MCC: variants seen among roughly 807,000 people sequenced by gnomAD.
The protein encoded by MCC is MCC regulator of Wnt signaling pathway, also known as colorectal mutant cancer protein.
A neutral mutation model predicts 116.2 loss-of-function variants in MCC; 90 were observed. The ratio of observed to expected loss-of-function variants is 0.77; its 90% CI spans 0.65 to 0.92. MCC has a LOEUF of 0.92. Ranked by LOEUF, MCC falls within the 40% of genes least tolerant of loss-of-function variation. The probability of loss-of-function intolerance (pLI) is 0.00; values close to 1 mark genes in which losing one functional copy is unlikely to be tolerated. For synonymous variants in MCC, 578 were observed against 510.5 expected (o/e 1.13, Z -1.78); for missense variants, 1,516 against 1,312.2 (o/e 1.16, Z -2.40).
intron 9 of MCC, 113 bp from the exon 10 acceptor site, chr5:113,084,303 G>GTTGTTT: frequency 1.3e-6 from 1 of 788,022 alleles, no homozygotes; most frequent in Non-Finnish European, 2.1e-6. Context: ...AATGATTAAA[G>GTTGTTT]AACTTAAGAA....
chr5:113,274,540 T>C (rs1330137304), intron 3 of MCC, among the ~76,000 whole-genome samples: 1 of 152,126 alleles, frequency 6.6e-6, no homozygotes, highest in East Asian at 1.9e-4. Flanking sequence ...TTGTATTTTT[T>C]AGTGGAGATG....
intron 17 of MCC, among the ~76,000 whole-genome samples, chr5:113,042,367 T>G (rs1285159853): frequency 7.0e-6 from 1 of 143,074 alleles, no homozygotes. Flanking sequence ...CCTAGCTACT[T>G]GGGAGGCTGG....
intron 3 of MCC, among the ~76,000 whole-genome samples, chr5:113,228,152 T>C (rs549567461): frequency 1.3e-5 from 2 of 152,338 alleles, no homozygotes; most frequent in East Asian, 3.9e-4. Flanking sequence ...TTAAACATTC[T>C]GAATAGGTAC....
chr5:113,377,934 C>A (rs555922157), intron 2 of MCC, among the ~76,000 whole-genome samples: 1 of 151,836 alleles, frequency 6.6e-6, no homozygotes, highest in East Asian at 1.9e-4. Flanking sequence ...GAAAAAAAAA[C>A]CCTTTTACCT....
chr5:113,279,515 T>G (rs116067893), intron 3 of MCC, among the ~76,000 whole-genome samples: 4,916 of 152,332 alleles, frequency 0.032, 107 homozygotes, highest in East Asian at 0.075. Context: ...GCAATTAACA[T>G]ATTTGTCTCT....
chr5:113,272,523 C>A (rs1305544014), intron 3 of MCC, among the ~76,000 whole-genome samples: 1 of 152,090 alleles, frequency 6.6e-6, no homozygotes, highest in Non-Finnish European at 1.5e-5. Context: ...TTTAGCATAA[C>A]CAAGTGATAG....
At chr5:113,366,838 T>C (rs1275467514) in intron 2 of MCC, among the ~76,000 whole-genome samples, 1 of 152,222 alleles carries the variant, frequency 6.6e-6, no homozygotes, top group Non-Finnish European at 1.5e-5. Flanking sequence ...GATCTTACTC[T>C]ATCACCCAGG....
chr5:113,069,490 G>T (rs965641627), intron 12 of MCC, among the ~76,000 whole-genome samples: 1 of 152,268 alleles, frequency 6.6e-6, no homozygotes, highest in Non-Finnish European at 1.5e-5. Context: ...TCCTCTTTAA[G>T]AAAGTAACTG....
intron 3 of MCC, among the ~76,000 whole-genome samples, chr5:113,241,964 T>C (rs1764384491): frequency 6.6e-6 from 1 of 152,220 alleles, no homozygotes; most frequent in Non-Finnish European, 1.5e-5. Flanking sequence ...CAGGTGGCCA[T>C]ATATTCAAGG....
rs1187518316 is a variant in MCC at position 113,139,271 on chromosome 5, G to C, written c.884+3947C>G. ...TTCTAGATTATACTAGCAAAGTTCT[G>C]GCATTTCAACATAATTTAATGCAGA... On this transcript the variant is annotated intron_variant, in intron 5 of 18. Coordinates refer to ENST00000408903, the MANE Select transcript of MCC (RefSeq NM_001085377.2). 5.3e-5 allele frequency among the ~76,000 whole-genome samples: 8 copies of C among 152,052 alleles called. 1 individual carries two copies.
At chr5:113,483,266 T>G (rs910473616) in intron 1 of MCC, among the ~76,000 whole-genome samples, 1 of 152,202 alleles carries the variant, frequency 6.6e-6, no homozygotes, top group African/African-American at 2.4e-5. Context: ...TTAAGTTTCC[T>G]CATGAATTTT....
chr5:113,247,347 C>T (rs948631606), intron 3 of MCC, among the ~76,000 whole-genome samples: 1 of 152,136 alleles, frequency 6.6e-6, no homozygotes, highest in African/African-American at 2.4e-5. Context: ...GCACCCCCAG[C>T]ACACAAAGGT....
chr5:113,433,370 TA>T, intron 1 of MCC: 2 of 466,848 alleles, frequency 4.3e-6, no homozygotes, highest in Non-Finnish European at 8.4e-6. Context: ...GAAAGGAGGA[TA>T]AATGGTGCCC....
At position 113,166,703 on chromosome 5, in the gene MCC, T is replaced by C. The variant is rs374788808; in HGVS notation, c.628-15281A>G. Among the ~76,000 whole-genome samples the C allele has an allele frequency of 2.3e-4, 31 of 132,292 alleles. No homozygotes were observed. In the East Asian group the frequency reaches 4.5e-3, roughly 19 times the overall value. The allele number at this position is 132,292 out of a possible 152,430, so 86.8% of individuals were successfully genotyped here. On this transcript the variant is annotated intron_variant, in intron 3 of 18. Transcript: ENST00000408903. ...TACCCTCAATACAGGGCATCATTTA[T>C]TTAAAAAAAAAAAAAAAAACAACCA...
chr5:113,049,341 C>A (rs1471779245), intron 15 of MCC, 42 bp from the exon 16 acceptor site: 1 of 1,481,764 alleles, frequency 6.7e-7, no homozygotes, highest in South Asian at 1.3e-5. Context: ...CATGCCCTAT[C>A]TGAGAGCAGG....
chr5:113,429,607 G>A (rs1770574646), intron 1 of MCC, among the ~76,000 whole-genome samples: 2 of 151,914 alleles, frequency 1.3e-5, no homozygotes, highest in Non-Finnish European at 2.9e-5. Flanking sequence ...TTTTCTCCAG[G>A]TCCTTTTTCC....
At position 113,104,176 on chromosome 5, in the gene MCC, G is replaced by T; in HGVS notation, c.1191+16C>A. On this transcript the variant is annotated intron_variant, in intron 7 of 18. Coordinates refer to ENST00000408903, the MANE Select transcript of MCC (RefSeq NM_001085377.2). The stretch of plus-strand genomic sequence containing the variant: ...CAGAACCTCAAAGGGCCTCACAGAG[G>T]GTGAGGAAGGTCTACCTTAATAGCC... The T allele has an allele frequency of 8.1e-6, 13 of 1,595,678 alleles. No individual in the cohort carries two copies. The highest frequency in any genetic ancestry group is 1.3e-5 in the African/African-American group (1 of 74,622).
chr5:113,390,190 T>C (rs1247416701), intron 1 of MCC, among the ~76,000 whole-genome samples: 3 of 152,204 alleles, frequency 2.0e-5, no homozygotes, highest in Non-Finnish European at 4.4e-5. Flanking sequence ...ACAGCTTACA[T>C]GCAATCCCTT....
intron 1 of MCC, among the ~76,000 whole-genome samples, chr5:113,468,738 AAT>A (rs1771988347): frequency 6.6e-6 from 1 of 152,150 alleles, no homozygotes; most frequent in Non-Finnish European, 1.5e-5. Context: ...TATTGATTGG[AAT>A]AGTTTCAGAA....
Sources: allele counts gnomAD v4.1 joint callset (sites outside exome capture counted in the v4.1 genomes callset), GRCh38; gene constraint gnomAD v4.1.1; transcripts MANE v1.5; gene names NCBI Gene and HGNC (gene_info 2026-07-23, HGNC 2026-07-21).